The following KCNA6 variants were observed in gnomAD, a reference collection of about 807,000 sequenced individuals.
KCNA6 encodes the protein human brain potassium channel-2.
KCNA6 carries 17 observed loss-of-function variants against 29.5 expected under a neutral mutation model. The observed-to-expected ratio is 0.58, with a 90% CI of 0.39 to 0.86. The LOEUF (loss-of-function observed/expected upper bound fraction) is 0.86, where lower values mean the gene tolerates loss of function less well. KCNA6 is among the 40% of genes least tolerant of loss of function. The probability of loss-of-function intolerance (pLI) is 0.00; values close to 1 mark genes in which losing one functional copy is unlikely to be tolerated. For synonymous variants in KCNA6, 296 were observed against 304.7 expected (o/e 0.97, Z 0.30); for missense variants, 450 against 703.4 (o/e 0.64, Z 4.07).
At chr12:4,842,296 C>A in the KCNA6 span, among the ~76,000 whole-genome samples, 7 of 152,086 alleles carry the variant, frequency 4.6e-5, no homozygotes, top group African/African-American at 1.2e-4. Flanking sequence ...TATCCAAAGA[C>A]CCCATGATGA....
chr12:4,824,696 G>A, the KCNA6 span, among the ~76,000 whole-genome samples: 334 of 152,320 alleles, frequency 2.2e-3, 1 homozygote, highest in Middle Eastern at 0.01. Flanking sequence ...GTGGGCTGCC[G>A]TAAGCGGGAG....
the KCNA6 span, among the ~76,000 whole-genome samples, chr12:4,841,312 A>AGAT: frequency 6.6e-6 from 1 of 152,232 alleles, no homozygotes; most frequent in East Asian, 1.9e-4. Context: ...CAATTTATTA[A>AGAT]GATTATAAAA....
chr12:4,829,151 G>A, the KCNA6 span, among the ~76,000 whole-genome samples: 39,754 of 151,984 alleles, frequency 0.26, 5,328 homozygotes, highest in East Asian at 0.36. Context: ...ACTCATCATC[G>A]TTTCCTTTTT....
chr12:4,813,875 A>C (rs2137578423), downstream of KCNA6: 1 of 167,248 alleles, frequency 6.0e-6, no homozygotes, highest in East Asian at 1.9e-4. Flanking sequence ...ATCCCTGAGA[A>C]AACATTTTCT....
chr12:4,844,659 C>T, the KCNA6 span, among the ~76,000 whole-genome samples: 4 of 152,058 alleles, frequency 2.6e-5, no homozygotes, highest in Non-Finnish European at 5.9e-5. The surrounding 1 kb of genome is among the most constrained non-coding windows in gnomAD (Gnocchi z 4.0). Context: ...ACACAGATTG[C>T]ATAGGGCCTT....
the KCNA6 span, among the ~76,000 whole-genome samples, chr12:4,823,921 C>CA: frequency 1.3e-5 from 2 of 152,296 alleles, no homozygotes; most frequent in Non-Finnish European, 2.9e-5. Flanking sequence ...TGAGGCAGGA[C>CA]AGGAGACATG....
At chr12:4,821,458 G>A in the KCNA6 span, among the ~76,000 whole-genome samples, 1 of 135,284 alleles carries the variant, frequency 7.4e-6, no homozygotes, top group Non-Finnish European at 1.6e-5. Context: ...GTGTGTGTGT[G>A]TGTTTTGTTT....
At chr12:4,816,896 C>T (rs1423385595), downstream of KCNA6, among the ~76,000 whole-genome samples, 1 of 152,188 alleles carries the variant, frequency 6.6e-6, no homozygotes, top group Non-Finnish European at 1.5e-5. Flanking sequence ...GCCCACTGGA[C>T]CCTCCCTTCC....
the KCNA6 span, among the ~76,000 whole-genome samples, chr12:4,826,879 C>G: frequency 6.6e-6 from 1 of 152,168 alleles, no homozygotes; most frequent in Non-Finnish European, 1.5e-5. Context: ...TTACAAAGAT[C>G]AGAACTTACA....
chr12:4,817,033 T>C (rs146285667), downstream of KCNA6, among the ~76,000 whole-genome samples: 1 of 152,204 alleles, frequency 6.6e-6, no homozygotes, highest in Admixed American at 6.5e-5. Context: ...CATTCCAAGA[T>C]AGATTCCCAG....
At chr12:4,817,018 A>G (rs1464119928), downstream of KCNA6, among the ~76,000 whole-genome samples, 17 of 152,194 alleles carry the variant, frequency 1.1e-4, no homozygotes, top group Non-Finnish European at 1.3e-4. Flanking sequence ...CTGCAACTCA[A>G]CATACATTCC....
At chr12:4,828,633 T>C in the KCNA6 span, among the ~76,000 whole-genome samples, 3 of 152,208 alleles carry the variant, frequency 2.0e-5, no homozygotes, top group Non-Finnish European at 2.9e-5. Flanking sequence ...GCCAGGCATG[T>C]CTCTAAGGGC....
the KCNA6 span, among the ~76,000 whole-genome samples, chr12:4,847,731 C>T: frequency 2.0e-5 from 3 of 152,182 alleles, no homozygotes; most frequent in African/African-American, 7.2e-5. Context: ...CAGAGGCTTT[C>T]CTGAGATGTT....
the KCNA6 span, among the ~76,000 whole-genome samples, chr12:4,831,574 G>A: frequency 7.2e-5 from 11 of 152,148 alleles, no homozygotes; most frequent in African/African-American, 1.9e-4. Flanking sequence ...CTCCAGCTCC[G>A]CTTTCTCCTT....
At chr12:4,846,753 C>G in the KCNA6 span, among the ~76,000 whole-genome samples, 3 of 148,424 alleles carry the variant, frequency 2.0e-5, no homozygotes, top group African/African-American at 7.5e-5. Flanking sequence ...TCACCACTGT[C>G]CTGGAACACC....
At chr12:4,842,165 G>A in the KCNA6 span, among the ~76,000 whole-genome samples, 1 of 152,136 alleles carries the variant, frequency 6.6e-6, no homozygotes, top group East Asian at 1.9e-4. Flanking sequence ...CCACAAAACT[G>A]CTATGAAAGT....
chr12:4,814,947 C>T (rs1289435139), downstream of KCNA6, among the ~76,000 whole-genome samples: 1 of 152,178 alleles, frequency 6.6e-6, no homozygotes, highest in Non-Finnish European at 1.5e-5. The surrounding 1 kb of genome is among the most constrained non-coding windows in gnomAD (Gnocchi z 4.6). Flanking sequence ...GTGTATTTTT[C>T]TTTGACTCCA....
chr12:4,838,086 G>A, the KCNA6 span, among the ~76,000 whole-genome samples: 27 of 152,266 alleles, frequency 1.8e-4, no homozygotes, highest in African/African-American at 6.5e-4. Flanking sequence ...GACTGCCTTC[G>A]GCTGCAGGGT....
the KCNA6 span, among the ~76,000 whole-genome samples, chr12:4,850,496 C>G: frequency 6.6e-6 from 1 of 152,072 alleles, no homozygotes; most frequent in South Asian, 2.1e-4. The surrounding 1 kb of genome is among the most constrained non-coding windows in gnomAD (Gnocchi z 5.4). Flanking sequence ...GCAGAAATGG[C>G]TTCAGGTTGT....
Sources: gnomAD v4.1 joint callset for allele counts (sites outside exome capture counted in the v4.1 genomes callset) on GRCh38, gnomAD v4.1.1 for gene constraint, Gnocchi (gnomAD v3.1) non-coding constraint, MANE v1.5 for transcripts, NCBI Gene and HGNC (gene_info 2026-07-23, HGNC 2026-07-21) for gene names.